The following EDIL3 variants were observed in gnomAD, a reference collection of about 807,000 sequenced individuals.
The protein encoded by EDIL3 is EGF like and discoidin domains 3, also known as EGF-like repeat and discoidin I-like domain-containing protein 3.
Under a neutral mutation model 67.4 loss-of-function variants are expected in EDIL3, and 37 were observed. The ratio of observed to expected loss-of-function variants is 0.55; its 90% CI spans 0.42 to 0.72. The LOEUF (loss-of-function observed/expected upper bound fraction) is 0.72, where lower values mean the gene tolerates loss of function less well. EDIL3 is among the 30% of genes least tolerant of loss of function. The probability of loss-of-function intolerance (pLI) is 0.00; values close to 1 mark genes in which losing one functional copy is unlikely to be tolerated. For missense variants in EDIL3, 527 were observed against 586.3 expected (o/e 0.90, Z 1.04); for synonymous variants, 195 against 196.3 (o/e 0.99, Z 0.05).
intron 9 of EDIL3, among the ~76,000 whole-genome samples, chr5:83,989,819 A>C (rs762750910): frequency 1.5e-4 from 23 of 152,136 alleles, no homozygotes; most frequent in Non-Finnish European, 3.1e-4. Flanking sequence ...CCTCCATCTG[A>C]GCAGACTGGA....
intron 9 of EDIL3, among the ~76,000 whole-genome samples, chr5:83,988,997 A>G (rs1388532718): frequency 6.6e-6 from 1 of 152,174 alleles, no homozygotes; most frequent in African/African-American, 2.4e-5. Flanking sequence ...ACACCATTGA[A>G]AGATGATTTT....
intron 6 of EDIL3, among the ~76,000 whole-genome samples, chr5:84,091,230 C>CTAGAT (rs1171645406): frequency 6.6e-6 from 1 of 152,132 alleles, no homozygotes; most frequent in Non-Finnish European, 1.5e-5. Context: ...CTTTCTGTGC[C>CTAGAT]TAGATTTCTC....
chr5:84,154,503 T>C (rs1748455260), intron 4 of EDIL3, among the ~76,000 whole-genome samples: 1 of 152,128 alleles, frequency 6.6e-6, no homozygotes, highest in Non-Finnish European at 1.5e-5. Context: ...TTCCTTCTGA[T>C]GCATTCTACC....
chr5:84,283,405 G>A (rs1745743271), intron 1 of EDIL3, among the ~76,000 whole-genome samples: 3 of 151,974 alleles, frequency 2.0e-5, no homozygotes, highest in Admixed American at 2.0e-4. Flanking sequence ...TTTTCCATAA[G>A]AACAAAACTA....
chr5:84,151,908 CT>C (rs201636890), intron 4 of EDIL3, among the ~76,000 whole-genome samples: 7,257 of 141,520 alleles, frequency 0.051, 329 homozygotes, highest in African/African-American at 0.13. Context: ...TTTGCTGCTT[CT>C]TTTTTTTTTT....
intron 3 of EDIL3, among the ~76,000 whole-genome samples, chr5:84,191,573 G>A (rs1743586641): frequency 2.0e-5 from 3 of 152,004 alleles, no homozygotes; most frequent in African/African-American, 7.2e-5. Context: ...TTCACCTACT[G>A]TGATAATTTG....
In EDIL3 at chr5:84,230,391, A is replaced by G. The variant is rs1744548648; in HGVS notation, c.197-507T>C. Among the ~76,000 whole-genome samples, 3 of 152,112 alleles carry G rather than the reference A, an allele frequency of 2.0e-5. No homozygotes were observed. In the South Asian group the frequency reaches 6.2e-4, roughly 32 times the overall value. On this transcript the variant is annotated intron_variant, in intron 2 of 10. Transcript: ENST00000296591. ...GAAGAATTAAACTTCAGGGTGACTC[A>G]AAATCACTTTGGACTTTTCTTTTTT...
intron 9 of EDIL3, among the ~76,000 whole-genome samples, chr5:83,999,071 T>C (rs530157228): frequency 1.6e-4 from 24 of 152,294 alleles, no homozygotes; most frequent in African/African-American, 5.5e-4. Context: ...ACAGGGTTAC[T>C]AGGCTTGAGA....
At chr5:84,294,310 G>A (rs1350680040) in intron 1 of EDIL3, among the ~76,000 whole-genome samples, 2 of 150,338 alleles carry the variant, frequency 1.3e-5, no homozygotes, top group Non-Finnish European at 3.0e-5. Context: ...GCATGAACCC[G>A]GGAGGTGGAG....
intron 9 of EDIL3, among the ~76,000 whole-genome samples, chr5:84,006,328 A>AAC (rs534438119): frequency 5.2e-4 from 79 of 150,626 alleles, no homozygotes; most frequent in Admixed American, 3.1e-3. Context: ...ACAGAATTAG[A>AAC]ACACTATGCA....
rs569824390 is a variant in EDIL3 at position 84,312,275 on chromosome 5, C to T, written c.68-58063G>A. 8.5e-3 allele frequency among the ~76,000 whole-genome samples: 1,186 copies of T among 140,316 alleles called. 94 individuals are homozygous for T. Among genetic ancestry groups the T allele is most frequent in the African/African-American group, 0.033 (1,124 of 34,510 alleles). The allele number at this position is 140,316 out of a possible 152,430, so 92.1% of individuals were successfully genotyped here. A position where few individuals can be genotyped will look rare whatever the true frequency, so the allele number is the denominator to read the frequency against. On this transcript the variant is annotated intron_variant, in intron 1 of 10. Transcript: ENST00000296591. Reference sequence around the variant, plus strand: ...CTCCCTCCCGGACGGGGCAGCTGGCCGGGCGGGGGCTGACCCCCCCACCTC... The same window carrying T: ...CTCCCTCCCGGACGGGGCAGCTGGCTGGGCGGGGGCTGACCCCCCCACCTC...
chr5:84,375,745 G>A (rs1372043300), intron 1 of EDIL3, among the ~76,000 whole-genome samples: 3 of 152,100 alleles, frequency 2.0e-5, no homozygotes, highest in Non-Finnish European at 4.4e-5. Flanking sequence ...AAGATTTAAA[G>A]AAAATGTATT....
intron 1 of EDIL3, among the ~76,000 whole-genome samples, chr5:84,313,835 C>A (rs1041868458): frequency 6.6e-6 from 1 of 152,184 alleles, no homozygotes; most frequent in African/African-American, 2.4e-5. Context: ...AAGAGATCCA[C>A]ATACTAAAGG....
chr5:83,966,054 T>C (rs1409862696), intron 9 of EDIL3, among the ~76,000 whole-genome samples: 4 of 152,048 alleles, frequency 2.6e-5, no homozygotes, highest in Admixed American at 2.0e-4. Flanking sequence ...GCCCATTCCT[T>C]AGGACCTAAT....
At chr5:83,972,909 C>T (rs569111334) in intron 9 of EDIL3, among the ~76,000 whole-genome samples, 158 of 151,860 alleles carry the variant, frequency 1.0e-3, no homozygotes, top group African/African-American at 3.7e-3. Flanking sequence ...TGAAATTGTT[C>T]TGAAAAAATA....
In EDIL3 at chr5:83,941,855, T is replaced by C. The variant is rs1021282585; in HGVS notation, c.*1564A>G. On this transcript the variant is annotated 3_prime_UTR_variant, in exon 11 of 11. Transcript: ENST00000296591. ...AATACAATTGACTTTCTCTTTAAAT[T>C]CTTCACTATGATTGAAGACCACTCC... 1.3e-5 allele frequency: 2 copies of C among 151,988 alleles called. No homozygotes were observed. Among genetic ancestry groups the C allele is most frequent in the Non-Finnish European group, 2.9e-5 (2 of 67,904 alleles). 9.4% of individuals were successfully genotyped at this position (151,988 alleles called of 1,614,324 possible).
chr5:84,333,601 T>C (rs1485937593), intron 1 of EDIL3, among the ~76,000 whole-genome samples: 1 of 152,154 alleles, frequency 6.6e-6, no homozygotes, highest in Non-Finnish European at 1.5e-5. Context: ...CTAAAGTTTG[T>C]TTTTCATTTT....
intron 1 of EDIL3, among the ~76,000 whole-genome samples, chr5:84,314,125 G>A (rs542096199): frequency 1.8e-4 from 27 of 152,276 alleles, no homozygotes; most frequent in African/African-American, 6.5e-4. Flanking sequence ...GAACCAGGGA[G>A]GCGGAGGTTG....
At chr5:84,244,262 T>C (rs1394383123) in intron 2 of EDIL3, among the ~76,000 whole-genome samples, 1 of 152,118 alleles carries the variant, frequency 6.6e-6, no homozygotes, top group Non-Finnish European at 1.5e-5. Flanking sequence ...ATCCAACCTA[T>C]CAAAACACTT....
Sources: allele counts gnomAD v4.1 joint callset (sites outside exome capture counted in the v4.1 genomes callset), GRCh38; gene constraint gnomAD v4.1.1; transcripts MANE v1.5; gene names NCBI Gene and HGNC (gene_info 2026-07-23, HGNC 2026-07-21).